MACROD2: variants seen among roughly 807,000 people sequenced by gnomAD.
MACROD2 encodes the protein mono-ADP ribosylhydrolase 2, also known as ADP-ribose glycohydrolase MACROD2.
In MACROD2, 36 loss-of-function variants were observed where a neutral mutation model predicts 70.4. The ratio of observed to expected loss-of-function variants is 0.51; its 90% CI spans 0.39 to 0.68. The LOEUF is 0.68. Among genes scored for constraint, MACROD2 ranks in the 30% least tolerant of loss-of-function variants. The probability of loss-of-function intolerance (pLI) is 0.00; values close to 1 mark genes in which losing one functional copy is unlikely to be tolerated. For missense variants in MACROD2, 496 were observed against 538.4 expected, an observed-to-expected ratio of 0.92 and a Z score of 0.78; for synonymous variants, 172 against 178.8, an observed-to-expected ratio of 0.96 and a Z score of 0.30.
chr20:14,483,775 A>G (rs939266304), intron 3 of MACROD2, among the ~76,000 whole-genome samples: 21 of 152,220 alleles, frequency 1.4e-4, no homozygotes, highest in Admixed American at 2.0e-4. Flanking sequence ...TTAATTAGAA[A>G]GTAGTGGAAA....
intron 5 of MACROD2, among the ~76,000 whole-genome samples, chr20:15,143,244 A>G (rs1229447977): frequency 6.6e-6 from 1 of 151,982 alleles, no homozygotes; most frequent in African/African-American, 2.4e-5. Flanking sequence ...GTTTTGATTT[A>G]TATTTCTCTG....
chr20:14,716,043 G>A (rs929196930), intron 5 of MACROD2, among the ~76,000 whole-genome samples: 13 of 152,190 alleles, frequency 8.5e-5, no homozygotes, highest in African/African-American at 2.2e-4. Context: ...CTCTCTGAAC[G>A]CTACATATTC....
intron 5 of MACROD2, among the ~76,000 whole-genome samples, chr20:15,191,496 C>A (rs1027633236): frequency 3.4e-5 from 5 of 147,434 alleles, no homozygotes; most frequent in African/African-American, 1.3e-4. Context: ...TGTGCTGCAG[C>A]ACAAGTCCCC....
At position 14,098,317 on chromosome 20, in the gene MACROD2, C is replaced by T. The variant is rs536888869; in HGVS notation, c.271+12589C>T. On this transcript the variant is annotated intron_variant, in intron 3 of 17. Transcript: ENST00000684519. ...TTGAATTGCATTTAGGACAAGTTGT[C>T]CAATTCTGAAGTTTTATAATAAAAG... Among the ~76,000 whole-genome samples, 10 of 152,240 alleles carry T rather than the reference C, an allele frequency of 6.6e-5. No homozygotes were observed. The East Asian group carries it at 1.9e-3, about 29-fold the overall frequency.
intron 8 of MACROD2, among the ~76,000 whole-genome samples, chr20:15,621,205 A>G (rs1175989930): frequency 6.6e-6 from 1 of 152,188 alleles, no homozygotes; most frequent in Non-Finnish European, 1.5e-5. Context: ...GTTTGCTCTC[A>G]TTGAGTCATG....
chr20:15,545,246 A>G (rs1370041258), intron 8 of MACROD2, among the ~76,000 whole-genome samples: 1 of 152,250 alleles, frequency 6.6e-6, no homozygotes, highest in Non-Finnish European at 1.5e-5. Context: ...AATAAATTGC[A>G]TGGTGTGAGA....
chr20:15,326,905 T>C (rs1444611694), intron 6 of MACROD2, among the ~76,000 whole-genome samples: 2 of 152,078 alleles, frequency 1.3e-5, no homozygotes, highest in Non-Finnish European at 2.9e-5. Flanking sequence ...ATTCCCAAAA[T>C]ATTGGGACAA....
At chr20:14,313,541 AG>A (rs1257413222) in intron 3 of MACROD2, among the ~76,000 whole-genome samples, 2 of 151,958 alleles carry the variant, frequency 1.3e-5, no homozygotes, top group Non-Finnish European at 2.9e-5. Context: ...AAGAATTGGC[AG>A]AAAAATGTGT....
At chr20:15,706,340 G>A (rs916632938) in intron 8 of MACROD2, among the ~76,000 whole-genome samples, 1 of 152,180 alleles carries the variant, frequency 6.6e-6, no homozygotes, top group African/African-American at 2.4e-5. Flanking sequence ...AAGGGTTGAA[G>A]TAGACGGCAC....
At chr20:14,128,053 T>G (rs1470912609) in intron 3 of MACROD2, 1 of 563,074 alleles carries the variant, frequency 1.8e-6, no homozygotes, top group African/African-American at 1.9e-5. Flanking sequence ...CTTTGTAACC[T>G]GAAACCTACA....
chr20:14,881,046 A>G (rs981642240), intron 5 of MACROD2, among the ~76,000 whole-genome samples: 8 of 152,080 alleles, frequency 5.3e-5, no homozygotes, highest in African/African-American at 7.2e-5. Flanking sequence ...AAATCCCCCA[A>G]TTAGGGCCTA....
chr20:15,425,854 T>A (rs1183069863), intron 6 of MACROD2, among the ~76,000 whole-genome samples: 1 of 152,168 alleles, frequency 6.6e-6, no homozygotes, highest in African/African-American at 2.4e-5. Context: ...AAACTGAGAA[T>A]CAAGGGTCAG....
intron 5 of MACROD2, among the ~76,000 whole-genome samples, chr20:14,974,591 T>C (rs2074721496): frequency 6.6e-6 from 1 of 152,088 alleles, no homozygotes; most frequent in Non-Finnish European, 1.5e-5. Flanking sequence ...AATAAATAAT[T>C]ACCTGGCCTA....
intron 5 of MACROD2, among the ~76,000 whole-genome samples, chr20:14,725,494 G>A (rs970398000): frequency 2.6e-5 from 4 of 152,064 alleles, no homozygotes; most frequent in African/African-American, 9.7e-5. Context: ...AATAGAATAT[G>A]AAGCCCTTAG....
At chr20:16,017,692 C>A (rs991964705) in intron 15 of MACROD2, among the ~76,000 whole-genome samples, 1 of 152,220 alleles carries the variant, frequency 6.6e-6, no homozygotes, top group African/African-American at 2.4e-5. Flanking sequence ...GTTTCTGCAT[C>A]TTCACATAGT....
chr20:14,488,581 G>A (rs1600294868), intron 3 of MACROD2, among the ~76,000 whole-genome samples: 3 of 152,218 alleles, frequency 2.0e-5, no homozygotes, highest in Non-Finnish European at 2.9e-5. Context: ...TTTGGGGAGT[G>A]GGAGGGCTGC....
intron 5 of MACROD2, among the ~76,000 whole-genome samples, chr20:14,960,394 G>A (rs1454550339): frequency 6.6e-6 from 1 of 152,152 alleles, no homozygotes; most frequent in Non-Finnish European, 1.5e-5. Flanking sequence ...CCAGGGGGAG[G>A]TCTGTGCTGT....
chr20:14,492,093 C>G (rs568758114), intron 3 of MACROD2, among the ~76,000 whole-genome samples: 25 of 152,180 alleles, frequency 1.6e-4, no homozygotes, highest in Non-Finnish European at 3.2e-4. Flanking sequence ...GTTACCACTT[C>G]AAAAGCTACA....
intron 4 of MACROD2, among the ~76,000 whole-genome samples, chr20:14,494,928 C>G (rs546243230): frequency 6.6e-6 from 1 of 152,080 alleles, no homozygotes; most frequent in Non-Finnish European, 1.5e-5. Flanking sequence ...GATTTTCTTA[C>G]AAGATATATT....
Sources: allele counts gnomAD v4.1 joint callset (sites outside exome capture counted in the v4.1 genomes callset), GRCh38; gene constraint gnomAD v4.1.1; transcripts MANE v1.5; gene names NCBI Gene and HGNC (gene_info 2026-07-23, HGNC 2026-07-21).